TOGARAM2: variants seen among roughly 807,000 people sequenced by gnomAD.
TOGARAM2 encodes TOG array regulator of axonemal microtubules 2, also known as TOG array regulator of axonemal microtubules protein 2.
TOGARAM2 carries 85 observed loss-of-function variants against 93.3 expected under a neutral mutation model. That is an observed-to-expected ratio of 0.91 (90% CI 0.76 to 1.09). The LOEUF is 1.09. Ranked by LOEUF, TOGARAM2 falls within the 50% of genes least tolerant of loss-of-function variation. The pLI, the probability that TOGARAM2 is intolerant of heterozygous loss-of-function variation, is 0.00. For missense variants in TOGARAM2, 1,277 were observed against 1,334.5 expected (o/e 0.96, Z 0.67); for synonymous variants, 593 against 552.8 (o/e 1.07, Z -1.02).
intron 1 of TOGARAM2, among the ~76,000 whole-genome samples, chr2:28,957,791 A>G (rs761415413): frequency 7.9e-5 from 12 of 152,128 alleles, no homozygotes; most frequent in Non-Finnish European, 1.5e-4. Context: ...GGGGTCTACA[A>G]GGGTGGGGAG....
intron 1 of TOGARAM2, among the ~76,000 whole-genome samples, chr2:28,960,705 G>A (rs564019898): frequency 6.6e-6 from 1 of 152,296 alleles, no homozygotes; most frequent in African/African-American, 2.4e-5. Context: ...TCTGGAAGTT[G>A]TACCTCGGAA....
chr2:29,027,947 G>A (rs1410726368), intron 14 of TOGARAM2, among the ~76,000 whole-genome samples: 2 of 152,170 alleles, frequency 1.3e-5, no homozygotes, highest in East Asian at 1.9e-4. Context: ...GGTCAGAGAC[G>A]TTCTCCTAGG....
chr2:28,983,200 T>C (rs11127198), intron 1 of TOGARAM2, among the ~76,000 whole-genome samples: 1 of 21,258 alleles, frequency 4.7e-5, no homozygotes, highest in East Asian at 2.0e-3. Context: ...ATATATATAT[T>C]TTTTTTTTTT....
At position 29,024,338 on chromosome 2, in the gene TOGARAM2, C is replaced by T. The variant is rs1216517743; in HGVS notation, c.1817C>T (p.Ala606Val). 6 of 1,611,444 alleles carry T rather than the reference C, an allele frequency of 3.7e-6. No homozygotes were observed. The highest frequency in any genetic ancestry group is 1.7e-5 in the Admixed American group (1 of 59,682). ...GCTATGGTGGAGAATGTGACCCTTG[C>T]CCGCTCCCTGGTGGTCCTCACCTCG... ...LRAMVENVTLARSLVVLTSAG... is the reference protein window; with the variant it reads ...LRAMVENVTLVRSLVVLTSAG... Residue 606 changes from alanine (A) to valine (V), a missense_variant, in exon 13 of 20, where the codon GCC (alanine) becomes GTC (valine). Physicochemically the swap from Ala to Val is moderately conservative, Grantham distance 64. Coordinates refer to ENST00000379558, the MANE Select transcript of TOGARAM2 (RefSeq NM_199280.4).
chr2:29,025,313 A>C (rs188259584), intron 13 of TOGARAM2, among the ~76,000 whole-genome samples: 1 of 152,200 alleles, frequency 6.6e-6, no homozygotes, highest in African/African-American at 2.4e-5. Context: ...ACGAAAGCGC[A>C]CTTAGAAAGG....
intron 2 of TOGARAM2, among the ~76,000 whole-genome samples, chr2:28,995,529 C>T (rs1046041922): frequency 4.6e-5 from 7 of 152,280 alleles, no homozygotes; most frequent in Non-Finnish European, 7.3e-5. Context: ...CCCGGGGCTT[C>T]GACATATGAA....
chr2:29,023,103 G>C lies in TOGARAM2; in HGVS notation c.1529G>C (p.Gly510Ala). 6.3e-7 allele frequency: 1 copy of C among 1,597,092 alleles called. No homozygotes were observed. The highest frequency in any genetic ancestry group is 8.5e-7 in the Non-Finnish European group (1 of 1,171,932). Residue 510 changes from glycine (G) to alanine (A), a missense_variant, in exon 12 of 20, where the codon GGT becomes GCT. Coordinates refer to ENST00000379558, the MANE Select transcript of TOGARAM2 (RefSeq NM_199280.4). ...CTTCTCAGGCAGATGAAGGAGAAGG[G>C]TCTGGTGAGCATCCAGCGCTTGGCA... ...NSSDWQMKEK[G>A]LVSIQRLAAC...
intron 6 of TOGARAM2, among the ~76,000 whole-genome samples, chr2:29,005,180 A>G (rs1412719135): frequency 1.8e-5 from 2 of 114,270 alleles, no homozygotes; most frequent in Non-Finnish European, 3.5e-5. Context: ...GTAAGGGCAT[A>G]TGTGTGCAGT....
At chr2:29,004,898 G>GAGTGCATGTGTGTA in intron 6 of TOGARAM2, among the ~76,000 whole-genome samples, 1 of 144,356 alleles carries the variant, frequency 6.9e-6, no homozygotes, top group Non-Finnish European at 1.5e-5. Context: ...GTACATGTGT[G>GAGTGCATGTGTGTA]AGTGCATGTG....
rs766581352 is a variant in TOGARAM2 at position 29,017,969 on chromosome 2, G to A, written c.1360+13G>A. ...CGCCACGCCTCAGGTGGGCAGGCCC[G>A]ACTGGCAGGCACACGTGTCCCTCTG... On this transcript the variant is annotated intron_variant, in intron 10 of 19. Coordinates refer to ENST00000379558, the MANE Select transcript of TOGARAM2 (RefSeq NM_199280.4). 7 of 1,586,696 alleles carry A rather than the reference G, an allele frequency of 4.4e-6. No individual in the cohort carries two copies. Among genetic ancestry groups the A allele is most frequent in the African/African-American group, 2.7e-5 (2 of 74,312 alleles).
intron 1 of TOGARAM2, chr2:28,972,497 T>C (rs984184377): frequency 1.3e-5 from 2 of 152,248 alleles, no homozygotes; most frequent in Admixed American, 6.5e-5. Context: ...ATAATGGAGA[T>C]AACTCATCAC....
intron 2 of TOGARAM2, among the ~76,000 whole-genome samples, chr2:28,995,481 G>A (rs562028135): frequency 2.0e-5 from 3 of 152,344 alleles, no homozygotes; most frequent in African/African-American, 4.8e-5. Context: ...CCAGAGCAGC[G>A]GTTCAGGAGA....
chr2:28,963,666 AG>A (rs1319015130), intron 1 of TOGARAM2, among the ~76,000 whole-genome samples: 2 of 152,154 alleles, frequency 1.3e-5, no homozygotes, highest in Non-Finnish European at 2.9e-5. Context: ...ATGACAGCCA[AG>A]GCATGCAGTG....
Position 29,035,706 on chromosome 2 carries a change from G to A in TOGARAM2, c.2418+50G>A, listed in dbSNP as rs770592796. The A allele has an allele frequency of 2.3e-6, 3 of 1,303,898 alleles. No homozygotes were observed. In the South Asian group the frequency reaches 7.8e-5, roughly 34 times the overall value. 80.8% of individuals were successfully genotyped at this position (1,303,898 alleles called of 1,614,324 possible). A position where few individuals can be genotyped will look rare whatever the true frequency, so the allele number is the denominator to read the frequency against. ...CCCACCTGTCTCTCCTCTGGGGGGT[G>A]CAACTTGAAGTTTGAAAACTCTGAA... On this transcript the variant is annotated intron_variant, in intron 17 of 19. Transcript: ENST00000379558.
chr2:28,980,218 T>C (rs79427208), upstream of TOGARAM2, among the ~76,000 whole-genome samples: 4,605 of 152,310 alleles, frequency 0.03, 234 homozygotes, highest in African/African-American at 0.1. Context: ...TCAGTCATAA[T>C]TGGCTGGCCC....
chr2:29,011,278 G>A (rs1156351378), intron 6 of TOGARAM2, among the ~76,000 whole-genome samples, 177 bp from the exon 7 acceptor site: 1 of 152,226 alleles, frequency 6.6e-6, no homozygotes, highest in Non-Finnish European at 1.5e-5. Context: ...TTTGCAGAGG[G>A]AGCTGTATCT....
chr2:29,043,929 G>A (rs79593183), intron 18 of TOGARAM2, among the ~76,000 whole-genome samples: 2,066 of 152,296 alleles, frequency 0.014, 39 homozygotes, highest in African/African-American at 0.046. Context: ...CAGTAGATAC[G>A]GAGTCCTGCT....
At chr2:29,031,626 C>A (rs180792284) in intron 14 of TOGARAM2, among the ~76,000 whole-genome samples, 159 of 152,252 alleles carry the variant, frequency 1.0e-3, no homozygotes, top group African/African-American at 3.7e-3. Context: ...ATCAATGAAG[C>A]AAACTCTCAC....
At chr2:29,006,449 T>C (rs921475020) in intron 6 of TOGARAM2, among the ~76,000 whole-genome samples, 2 of 150,756 alleles carry the variant, frequency 1.3e-5, no homozygotes, top group African/African-American at 2.4e-5. Context: ...TGTGCATGTG[T>C]ATCTGTGTGT....
Sources: gnomAD v4.1 joint callset for allele counts (sites outside exome capture counted in the v4.1 genomes callset) on GRCh38, gnomAD v4.1.1 for gene constraint, MANE v1.5 for transcripts, NCBI Gene and HGNC (gene_info 2026-07-23, HGNC 2026-07-21) for gene names.